Variants in RANBP2 observed in about 807,000 individuals in gnomAD.
RANBP2 encodes the protein E3 SUMO-protein ligase RanBP2.
Under a neutral mutation model 303.6 loss-of-function variants are expected in RANBP2, and 57 were observed. The observed-to-expected ratio is 0.19, with a 90% confidence interval of 0.15 to 0.23. RANBP2 has a LOEUF of 0.23. Ranked by LOEUF, RANBP2 falls within the 10% of genes least tolerant of loss-of-function variation. The probability of loss-of-function intolerance (pLI) is 1.00; values close to 1 mark genes in which losing one functional copy is unlikely to be tolerated. For missense variants in RANBP2, 3,138 were observed against 3,780.8 expected, an observed-to-expected ratio of 0.83 and a Z score of 4.46; for synonymous variants, 1,167 against 1,301.5, an observed-to-expected ratio of 0.90 and a Z score of 2.23.
At chr2:109,447,147 TAAAAAAA>T in the RANBP2 span, among the ~76,000 whole-genome samples, 309 of 82,722 alleles carry the variant, frequency 3.7e-3, 1 homozygote, top group African/African-American at 0.011. Context: ...CCTGAATATT[TAAAAAAA>T]AAAAAAAAAA....
At chr2:109,683,063 T>A in the RANBP2 span, among the ~76,000 whole-genome samples, 1 of 152,166 alleles carries the variant, frequency 6.6e-6, no homozygotes, top group Non-Finnish European at 1.5e-5. Flanking sequence ...TGGAGTGCAG[T>A]GGCGTGATGT....
At chr2:109,701,800 T>C in the RANBP2 span, among the ~76,000 whole-genome samples, 2 of 152,228 alleles carry the variant, frequency 1.3e-5, no homozygotes, top group African/African-American at 2.4e-5. Flanking sequence ...CTTGGCTTAG[T>C]GACTTTGGGG....
chr2:109,270,934 C>T, the RANBP2 span, among the ~76,000 whole-genome samples: 1 of 152,218 alleles, frequency 6.6e-6, no homozygotes, highest in South Asian at 2.1e-4. Context: ...CAGCGGGGCC[C>T]TCCATGGCTA....
chr2:108,972,763 T>A, the RANBP2 span, among the ~76,000 whole-genome samples: 1 of 152,228 alleles, frequency 6.6e-6, no homozygotes, highest in Non-Finnish European at 1.5e-5. Flanking sequence ...ATGCAGATGC[T>A]GAGACTCAGA....
At chr2:109,307,993 C>T in the RANBP2 span, among the ~76,000 whole-genome samples, 5 of 142,368 alleles carry the variant, frequency 3.5e-5, no homozygotes, top group Non-Finnish European at 4.5e-5. Flanking sequence ...CCTGAGGAAT[C>T]GCCACACTGA....
At chr2:109,432,546 G>A in the RANBP2 span, 1 of 1,613,690 alleles carries the variant, frequency 6.2e-7, no homozygotes, top group Non-Finnish European at 8.5e-7. Context: ...GTGACGAGCT[G>A]GAGCTGCACA....
the RANBP2 span, chr2:108,896,715 G>A: frequency 1.5e-4 from 93 of 612,204 alleles, no homozygotes; most frequent in South Asian, 1.5e-3. Flanking sequence ...AAAGTATCCC[G>A]GCTCTAGTCC....
chr2:109,483,513 G>A, the RANBP2 span, among the ~76,000 whole-genome samples: 2 of 152,188 alleles, frequency 1.3e-5, no homozygotes, highest in African/African-American at 4.8e-5. Flanking sequence ...ACTGCCTGTG[G>A]GTTGAGGTGG....
the RANBP2 span, among the ~76,000 whole-genome samples, chr2:109,629,481 A>G: frequency 1.3e-5 from 2 of 151,376 alleles, no homozygotes; most frequent in African/African-American, 2.4e-5. Flanking sequence ...TTTAAATCTC[A>G]ACACCATGCT....
the RANBP2 span, among the ~76,000 whole-genome samples, chr2:109,637,084 G>A: frequency 2.0e-5 from 3 of 152,100 alleles, no homozygotes; most frequent in Admixed American, 6.6e-5. Flanking sequence ...ATAATAAGGA[G>A]GTCAGCAACA....
chr2:109,321,462 T>C, the RANBP2 span, among the ~76,000 whole-genome samples: 2 of 152,254 alleles, frequency 1.3e-5, no homozygotes, highest in Non-Finnish European at 2.9e-5. Context: ...TATAGTATTT[T>C]TAAAATTAGA....
the RANBP2 span, among the ~76,000 whole-genome samples, chr2:109,106,841 GA>G: frequency 6.7e-6 from 1 of 149,624 alleles, no homozygotes; most frequent in Non-Finnish European, 1.5e-5. Context: ...CGCCTCAGAA[GA>G]AAAAAGAAAA....
the RANBP2 span, among the ~76,000 whole-genome samples, chr2:109,047,773 C>T: frequency 5.3e-5 from 8 of 152,228 alleles, no homozygotes; most frequent in African/African-American, 7.2e-5. Context: ...TGCGCCATTG[C>T]GCTCCAGCCT....
chr2:109,230,693 G>C, the RANBP2 span, among the ~76,000 whole-genome samples: 1 of 152,136 alleles, frequency 6.6e-6, no homozygotes, highest in Non-Finnish European at 1.5e-5. Context: ...CGTAAGTCGG[G>C]GATCATCAGC....
the RANBP2 span, among the ~76,000 whole-genome samples, chr2:109,144,351 T>C: frequency 2.0e-5 from 3 of 152,328 alleles, no homozygotes; most frequent in Middle Eastern, 0.01. Flanking sequence ...AAATTTAACA[T>C]GATAATGAAA....
At position 108,753,859 on chromosome 2, in the gene RANBP2, A is replaced by G. The variant is rs1222174933; in HGVS notation, c.2090A>G (p.Asp697Gly). The change falls in exon 15 of 29, where the codon GAT (aspartate) becomes GGT (glycine). Residue 697 changes from aspartate (D) to glycine (G), a missense_variant. Physicochemically the swap from Asp to Gly is moderately conservative, Grantham distance 94. Transcript: ENST00000283195. ...FHRKAEDIEN[D>G]ALSPEEQEEC... is the part of the protein sequence containing the mutation. ...AGGAAGGCAGAAGACATTGAAAATG[A>G]TGCCCTTTCTCCTGAAGAACAAGAA... is the stretch of plus-strand genomic sequence containing the variant. 1 of 1,612,052 alleles carries G rather than the reference A, an allele frequency of 6.2e-7. No homozygotes were observed. Among genetic ancestry groups the G allele is most frequent in the South Asian group, 1.1e-5 (1 of 90,992 alleles).
chr2:109,540,864 CTTCTT>C, the RANBP2 span, among the ~76,000 whole-genome samples: 1 of 151,150 alleles, frequency 6.6e-6, no homozygotes, highest in Non-Finnish European at 1.5e-5. Flanking sequence ...CTTTTCCCAT[CTTCTT>C]TTAACCTTTC....
chr2:109,001,837 T>C, the RANBP2 span, among the ~76,000 whole-genome samples: 269 of 151,962 alleles, frequency 1.8e-3, 6 homozygotes, highest in Admixed American at 0.015. Flanking sequence ...TTCATGCCAT[T>C]CTCCTGCCTC....
the RANBP2 span, among the ~76,000 whole-genome samples, chr2:109,023,780 G>C: frequency 6.7e-3 from 1,026 of 152,266 alleles, 28 homozygotes; most frequent in East Asian, 0.077. Flanking sequence ...TCGCTCTCCA[G>C]CTTGGGCAGC....
Sources: allele counts gnomAD v4.1 joint callset (sites outside exome capture counted in the v4.1 genomes callset), GRCh38; gene constraint gnomAD v4.1.1; transcripts MANE v1.5; gene names NCBI Gene and HGNC (gene_info 2026-07-23, HGNC 2026-07-21).